Variants in SEC14L1 observed in about 807,000 individuals in gnomAD.
SEC14L1 encodes the protein SEC14-like protein 1.
In SEC14L1, 48 loss-of-function variants were observed where a neutral mutation model predicts 85.3. That is an observed-to-expected ratio of 0.56 (90% CI 0.45 to 0.72). The LOEUF (loss-of-function observed/expected upper bound fraction) is 0.72, where lower values mean the gene tolerates loss of function less well. Ranked by LOEUF, SEC14L1 falls within the 30% of genes least tolerant of loss-of-function variation. The pLI, the probability that SEC14L1 is intolerant of heterozygous loss-of-function variation, is 0.00. For missense variants in SEC14L1, 682 were observed against 921.4 expected (o/e 0.74, Z 3.36); for synonymous variants, 391 against 355.5 (o/e 1.10, Z -1.12).
intron 8 of SEC14L1, among the ~76,000 whole-genome samples, chr17:77,199,826 A>G (rs936816092): frequency 6.6e-6 from 1 of 152,216 alleles, no homozygotes; most frequent in Admixed American, 6.5e-5. Context: ...TGTTTCTGGT[A>G]CCACCTCATT....
intron 3 of SEC14L1, among the ~76,000 whole-genome samples, chr17:77,114,466 G>T (rs1490456020): frequency 1.3e-5 from 2 of 151,608 alleles, no homozygotes; most frequent in African/African-American, 4.9e-5. Context: ...GGAGGTTGCA[G>T]TGAGCCGAGA....
intron 3 of SEC14L1, among the ~76,000 whole-genome samples, chr17:77,163,289 C>T (rs1429318395): frequency 2.0e-5 from 3 of 152,082 alleles, no homozygotes; most frequent in East Asian, 1.9e-4. Flanking sequence ...GCGTCTGCCC[C>T]GGGATTATCT....
At chr17:77,126,688 C>T (rs990021637) in intron 3 of SEC14L1, among the ~76,000 whole-genome samples, 2 of 152,228 alleles carry the variant, frequency 1.3e-5, no homozygotes, top group East Asian at 3.8e-4. Context: ...GCCAGCCCTG[C>T]CAAGGACAGC....
chr17:77,100,227 A>G (rs750957866), intron 3 of SEC14L1, among the ~76,000 whole-genome samples: 31 of 151,972 alleles, frequency 2.0e-4, no homozygotes, highest in Non-Finnish European at 2.8e-4. Flanking sequence ...ACTTCTGCCT[A>G]TTCACCCTCT....
At chr17:77,144,153 A>G (rs938432664) in intron 3 of SEC14L1, among the ~76,000 whole-genome samples, 1 of 152,206 alleles carries the variant, frequency 6.6e-6, no homozygotes, top group African/African-American at 2.4e-5. Context: ...TTGGCTGAAA[A>G]TAAGCATTTT....
At position 77,206,700 on chromosome 17, in the gene SEC14L1, T is replaced by A. The variant is rs960816139; in HGVS notation, c.1342-28T>A. On this transcript the variant is annotated intron_variant, in intron 12 of 16. Transcript: ENST00000436233. This position sits in a 1 kb window ranked among gnomAD's most constrained non-coding sequence, Gnocchi z 4.3. ...TGGACACTCAGGCAGCAGAGAAATA[T>A]GACTGCATGGTCTTCTCCTCCTCAC... 5 of 1,571,436 alleles carry A rather than the reference T, an allele frequency of 3.2e-6. No homozygotes were observed. The Admixed American group carries it at 5.9e-5, about 18-fold the overall frequency.
intron 2 of SEC14L1, chr17:77,093,169 C>T (rs1324020256): frequency 6.6e-6 from 1 of 152,164 alleles, no homozygotes; most frequent in Non-Finnish European, 1.5e-5. Flanking sequence ...GAGAGTATCT[C>T]ATGGAGCTCA....
chr17:77,091,569 G>A (rs146534319), intron 2 of SEC14L1, among the ~76,000 whole-genome samples: 17 of 152,144 alleles, frequency 1.1e-4, no homozygotes, highest in Non-Finnish European at 1.9e-4. Context: ...TGAGCATTTG[G>A]TGACTGTGAG....
intron 8 of SEC14L1, among the ~76,000 whole-genome samples, chr17:77,198,305 T>C (rs955222): frequency 0.6 from 90,990 of 152,068 alleles, 27,452 homozygotes; most frequent in Middle Eastern, 0.71. Context: ...AATAGAGTCA[T>C]ATGGCCAGTT....
intron 3 of SEC14L1, among the ~76,000 whole-genome samples, chr17:77,106,200 C>T (rs993048883): frequency 2.0e-5 from 3 of 151,976 alleles, no homozygotes; most frequent in African/African-American, 7.3e-5. Flanking sequence ...TGGAGACCAG[C>T]CTGAGCAGCA....
intron 14 of SEC14L1, chr17:77,211,683 G>A (rs1042876526): frequency 6.6e-5 from 33 of 501,948 alleles, no homozygotes; most frequent in Non-Finnish European, 1.2e-4. Flanking sequence ...CTTAGAGTGT[G>A]TGTGAAGATG....
intron 3 of SEC14L1, among the ~76,000 whole-genome samples, chr17:77,116,247 A>G (rs1972169906): frequency 6.6e-6 from 1 of 152,168 alleles, no homozygotes; most frequent in African/African-American, 2.4e-5. Context: ...ATGCTGTAAA[A>G]ATTCACATTG....
At chr17:77,119,174 G>A (rs1227224243) in intron 3 of SEC14L1, among the ~76,000 whole-genome samples, 3 of 151,946 alleles carry the variant, frequency 2.0e-5, no homozygotes, top group African/African-American at 7.3e-5. Flanking sequence ...GCCGAGTGTG[G>A]GCATGCGCCT....
At chr17:77,160,682 G>C (rs1162931495) in intron 3 of SEC14L1, among the ~76,000 whole-genome samples, 1 of 152,080 alleles carries the variant, frequency 6.6e-6, no homozygotes, top group Admixed American at 6.5e-5. Flanking sequence ...TTTCTAACTA[G>C]TGTCTTTATA....
chr17:77,162,753 C>G (rs1216890139), intron 3 of SEC14L1, among the ~76,000 whole-genome samples: 1 of 150,990 alleles, frequency 6.6e-6, no homozygotes. Context: ...TCGCTTGAAC[C>G]GGGGAGGTGG....
intron 13 of SEC14L1, among the ~76,000 whole-genome samples, chr17:77,207,556 A>G (rs1456501828): frequency 1.3e-5 from 2 of 151,934 alleles, no homozygotes; most frequent in South Asian, 2.1e-4. Flanking sequence ...GATTCAAGCG[A>G]TTCTTCAGTC....
At chr17:77,168,297 C>T (rs751542388) in intron 3 of SEC14L1, among the ~76,000 whole-genome samples, 42 of 152,184 alleles carry the variant, frequency 2.8e-4, no homozygotes, top group Non-Finnish European at 5.7e-4. Context: ...TTTGATAATT[C>T]TTCCTCTTCA....
intron 3 of SEC14L1, among the ~76,000 whole-genome samples, chr17:77,145,845 T>C (rs1160477201): frequency 6.6e-6 from 1 of 152,158 alleles, no homozygotes; most frequent in African/African-American, 2.4e-5. Context: ...TGTGCCTGGC[T>C]CCATGTGCTG....
At chr17:77,093,146 A>C (rs1222601334) in intron 2 of SEC14L1, 1 of 152,126 alleles carries the variant, frequency 6.6e-6, no homozygotes, top group Non-Finnish European at 1.5e-5. Context: ...TGGAAGGTGG[A>C]TTTTAGATTT....
Sources: gnomAD v4.1 joint callset for allele counts (sites outside exome capture counted in the v4.1 genomes callset) on GRCh38, gnomAD v4.1.1 for gene constraint, Gnocchi (gnomAD v3.1) non-coding constraint, MANE v1.5 for transcripts, NCBI Gene and HGNC (gene_info 2026-07-23, HGNC 2026-07-21) for gene names.